COPA: variants seen among roughly 807,000 people sequenced by gnomAD.
COPA encodes the protein coatomer subunit alpha.
In COPA, 10 loss-of-function variants were observed where a neutral mutation model predicts 158.7. The ratio of observed to expected loss-of-function variants is 0.06; its 90% CI spans 0.04 to 0.11. The LOEUF (loss-of-function observed/expected upper bound fraction) is 0.11. Ranked by LOEUF, COPA falls within the 10% of genes least tolerant of loss-of-function variation. The pLI, the probability that COPA is intolerant of heterozygous loss-of-function variation, is 1.00. For synonymous variants in COPA, 462 were observed against 542.8 expected (o/e 0.85, Z 2.07); for missense variants, 1,065 against 1,536.7 (o/e 0.69, Z 5.13).
In COPA at chr1:160,290,661, T is replaced by C. The variant is rs780116918; in HGVS notation, c.3446A>G (p.Glu1149Gly). Residue 1149 changes from glutamate (E) to glycine (G), a missense_variant, in exon 32 of 33, where the codon GAG becomes GGG. This residue lies in a region of COPA where 980 missense variants were observed against 1,357.8 expected (regional missense o/e 0.72). Coordinates refer to ENST00000241704, the MANE Select transcript of COPA (RefSeq NM_004371.4). ...QQTRKILSAC[E>G]KNPTDAYQLN... ...CTGGTAGGCATCTGTGGGATTCTTC[T>C]CACAGGCAGACAGGATTTTTCGGGT... The C allele has an allele frequency of 1.2e-6, 2 of 1,614,162 alleles. No homozygotes were observed. The highest frequency in any genetic ancestry group is 1.7e-6 in the Non-Finnish European group (2 of 1,180,024).
At chr1:160,301,021 T>TG (rs778969968) in intron 17 of COPA, among the ~76,000 whole-genome samples, 29 of 151,968 alleles carry the variant, frequency 1.9e-4, no homozygotes, top group Non-Finnish European at 2.6e-4. Flanking sequence ...GGGAGACTGA[T>TG]GCACAAGAAT....
intron 3 of COPA, among the ~76,000 whole-genome samples, chr1:160,335,679 C>T (rs963750852): frequency 1.3e-5 from 2 of 151,012 alleles, no homozygotes; most frequent in South Asian, 2.1e-4. Flanking sequence ...GTCAGGAGAT[C>T]GAGACCATCC....
intron 11 of COPA, among the ~76,000 whole-genome samples, chr1:160,311,437 CAA>C (rs1403835570): frequency 7.5e-6 from 1 of 133,244 alleles, no homozygotes. Flanking sequence ...GACTCCATCT[CAA>C]AAAAAAAAAA....
rs1199469095 is a variant in COPA, at chr1:160,289,997, C to T, written c.*160G>A. 4 of 696,266 alleles carry T rather than the reference C, an allele frequency of 5.7e-6. No homozygotes were observed. The African/African-American group carries it at 7.2e-5, about 13-fold the overall frequency. The allele number at this position is 696,266 out of a possible 1,614,324, so 43.1% of individuals were successfully genotyped here. ...GACCTCAAAAAAGTCAAGTTTAGAC[C>T]TTCGGATTTTCCATAGAAGAGAAAA... On this transcript the variant is annotated 3_prime_UTR_variant, in exon 33 of 33. Transcript: ENST00000241704.
chr1:160,309,855 T>C (rs1459301433), intron 12 of COPA, among the ~76,000 whole-genome samples: 1 of 152,048 alleles, frequency 6.6e-6, no homozygotes, highest in Non-Finnish European at 1.5e-5. Flanking sequence ...TTCTTCTATT[T>C]TCACCCAAAG....
intron 29 of COPA, 26 bp downstream of exon 29, chr1:160,291,986 C>A (rs201220670): frequency 5.6e-6 from 9 of 1,614,134 alleles, no homozygotes; most frequent in South Asian, 1.1e-5. Flanking sequence ...GTGCCCAGAA[C>A]TGGGACAGCG....
chr1:160,323,487 A>G lies in COPA; in HGVS notation c.650T>C (p.Met217Thr), dbSNP rs1346948908. The change falls in exon 8 of 33, where the codon ATG (methionine) becomes ACG (threonine). Residue 217 changes from methionine (M) to threonine (T), a missense_variant. Physicochemically the swap from Met to Thr is moderately conservative, Grantham distance 81 (BLOSUM62 -1). Coordinates refer to ENST00000241704, the MANE Select transcript of COPA (RefSeq NM_004371.4). The part of the protein sequence containing the change: ...GVNWAAFHPT[M>T]PLIVSGADDR... Reference sequence around the variant, plus strand: ...ATCTGCCCCAGATACAATAAGGGGCATAGTGGGGTGGAAGGCAGCCCAGTT... The same window carrying G: ...ATCTGCCCCAGATACAATAAGGGGCGTAGTGGGGTGGAAGGCAGCCCAGTT... The G allele has an allele frequency of 5.0e-6, 8 of 1,611,226 alleles. No homozygotes were observed. In the African/African-American group the frequency reaches 9.4e-5, roughly 19 times the overall value.
intron 12 of COPA, 92 bp from the exon 13 acceptor site, chr1:160,309,268 GCA>G: frequency 1.1e-6 from 1 of 904,640 alleles, no homozygotes; most frequent in South Asian, 1.4e-5. Context: ...CAGTTCCATT[GCA>G]CAGACACCAA....
intron 11 of COPA, 28 bp downstream of exon 11, chr1:160,311,840 T>C (rs983721461): frequency 3.7e-6 from 6 of 1,602,344 alleles, no homozygotes; most frequent in African/African-American, 2.7e-5. Context: ...ATGAGAGGGT[T>C]TGGAGGAAAG....
At position 160,292,586 on chromosome 1, in the gene COPA, C is replaced by A; in HGVS notation, c.2858G>T (p.Gly953Val). The change falls in exon 28 of 33, where the codon GGC becomes GTC. Residue 953 changes from glycine (G) to valine (V), a missense_variant. Around this residue, in one of 2 missense-constraint regions of COPA, gnomAD observed 980 missense variants for 1,357.8 expected, o/e 0.72. Coordinates refer to ENST00000241704, the MANE Select transcript of COPA (RefSeq NM_004371.4). ...CTGTAGGAACAGTTGCTTGTAGGGG[C>A]CAAACTGGATTACCCCTACTTGGTC... ...LHDQVGVIQF[G>V]PYKQLFLQTY... is the part of the protein sequence containing the mutation. 1 of 1,613,390 alleles carries A rather than the reference C, an allele frequency of 6.2e-7. No individual in the cohort carries two copies. Among genetic ancestry groups the A allele is most frequent in the Non-Finnish European group, 8.5e-7 (1 of 1,179,792 alleles).
At chr1:160,292,983 C>T (rs1658289464) in intron 27 of COPA, among the ~76,000 whole-genome samples, 183 bp downstream of exon 27, 2 of 152,120 alleles carry the variant, frequency 1.3e-5, no homozygotes, top group South Asian at 4.1e-4. Flanking sequence ...TAAGAGATTA[C>T]TAGGCCAAGT....
In COPA at chr1:160,295,870, G is replaced by A. The variant is rs780105477; in HGVS notation, c.2353-11C>T. 3.8e-6 allele frequency: 6 copies of A among 1,596,038 alleles called. No homozygotes were observed. The highest frequency in any genetic ancestry group is 5.1e-6 in the Non-Finnish European group (6 of 1,174,890). On this transcript the variant is annotated splice_polypyrimidine_tract_variant and intron_variant, in intron 22 of 32. Coordinates refer to ENST00000241704, the MANE Select transcript of COPA (RefSeq NM_004371.4). ...GTCAATGTCTGGGATCTGAATAGTA[G>A]AAGAAAAGAGGCTAAAAACAAATAG... is the stretch of plus-strand genomic sequence containing the variant.
At chr1:160,298,676 T>G (rs563494147) in intron 19 of COPA, among the ~76,000 whole-genome samples, 169 bp downstream of exon 19, 1 of 152,272 alleles carries the variant, frequency 6.6e-6, no homozygotes, top group Admixed American at 6.5e-5. Context: ...CAGGTAAAAG[T>G]AGAGATGGGC....
At position 160,318,841 on chromosome 1, in the gene COPA, A is replaced by C. The variant is rs562683314; in HGVS notation, c.706+4590T>G. Among the ~76,000 whole-genome samples, 46 of 152,062 alleles carry C rather than the reference A, an allele frequency of 3.0e-4. No homozygotes were observed. The South Asian group carries it at 4.4e-3, about 14-fold the overall frequency. ...CTATCTATAAGATTTTTTTTTGTGA[A>C]TCTCATGGTAATTACAGCACAAAAA... On this transcript the variant is annotated intron_variant, in intron 8 of 32. Transcript: ENST00000241704.
intron 9 of COPA, among the ~76,000 whole-genome samples, 173 bp downstream of exon 9, chr1:160,313,817 T>C (rs1343837937): frequency 6.6e-6 from 1 of 152,218 alleles, no homozygotes. Flanking sequence ...GAGATTTCTA[T>C]TTGATGGAAA....
chr1:160,324,893 T>C (rs983388126), intron 7 of COPA, among the ~76,000 whole-genome samples: 1 of 152,168 alleles, frequency 6.6e-6, no homozygotes, highest in Admixed American at 6.5e-5. Context: ...ATATGGTATA[T>C]TGTGACAGAA....
In COPA at chr1:160,294,814, A is replaced by G; in HGVS notation, c.2520T>C (p.Val840=). The change falls in exon 24 of 33, where the codon GTT becomes GTC. Residue 840 remains valine (V), a synonymous_variant. Coordinates refer to ENST00000241704, the MANE Select transcript of COPA (RefSeq NM_004371.4). ...ALAADIDIDT[V]GTEGWGEDAE... ...CATCCTCTCCCCAGCCCTCTGTACC[A>G]ACAGTGTCAATGTCAATGTCAGCAG... The G allele has an allele frequency of 6.2e-7, 1 of 1,614,082 alleles. No homozygotes were observed. The highest frequency in any genetic ancestry group is 8.5e-7 in the Non-Finnish European group (1 of 1,179,994).
chr1:160,316,988 GA>G (rs1280163374), intron 8 of COPA, among the ~76,000 whole-genome samples: 1 of 151,886 alleles, frequency 6.6e-6, no homozygotes, highest in Non-Finnish European at 1.5e-5. Context: ...ATACACAACA[GA>G]AAAGAAGCAA....
At chr1:160,339,730 C>A in intron 3 of COPA, 179 bp downstream of exon 3, 1 of 508,762 alleles carries the variant, frequency 2.0e-6, no homozygotes, top group South Asian at 3.4e-5. Context: ...AAAAAGAAAA[C>A]AGTGTCTGGT....
Sources: gnomAD v4.1 joint callset for allele counts (sites outside exome capture counted in the v4.1 genomes callset) on GRCh38, gnomAD v4.1.1 for gene constraint, gnomAD v4.1.1 regional missense constraint, MANE v1.5 for transcripts, NCBI Gene and HGNC (gene_info 2026-07-23, HGNC 2026-07-21) for gene names.